The following CRTAC1 variants were observed in gnomAD, a reference collection of about 807,000 sequenced individuals.
The protein encoded by CRTAC1 is cartilage acidic protein 1, also known as acidic secreted protein in cartilage.
In CRTAC1, 37 loss-of-function variants were observed where a neutral mutation model predicts 67.8. The observed-to-expected ratio is 0.55, with a 90% confidence interval of 0.42 to 0.72. The LOEUF (loss-of-function observed/expected upper bound fraction) is 0.72. CRTAC1 is among the 30% of genes least tolerant of loss of function. The pLI is 0.00. For missense variants in CRTAC1, 780 were observed against 931.6 expected (o/e 0.84, Z 2.12); for synonymous variants, 348 against 371.0 (o/e 0.94, Z 0.71).
chr10:97,965,140 T>C (rs1384726680), intron 2 of CRTAC1, among the ~76,000 whole-genome samples: 1 of 152,216 alleles, frequency 6.6e-6, no homozygotes, highest in Non-Finnish European at 1.5e-5. Flanking sequence ...AAAAGAGACC[T>C]GTAGTCAGGA....
intron 1 of CRTAC1, among the ~76,000 whole-genome samples, chr10:98,019,184 AACAG>A (rs1206783714): frequency 6.6e-6 from 1 of 152,074 alleles, no homozygotes; most frequent in African/African-American, 2.4e-5. Context: ...AGGAAAGCAA[AACAG>A]ACAGAGAGCC....
At chr10:97,972,553 A>T (rs1335907547) in intron 2 of CRTAC1, among the ~76,000 whole-genome samples, 1 of 152,248 alleles carries the variant, frequency 6.6e-6, no homozygotes, top group East Asian at 1.9e-4. Flanking sequence ...ACATAAAGTC[A>T]TCAGAATCTA....
At chr10:98,013,933 G>T (rs1842952600) in intron 1 of CRTAC1, among the ~76,000 whole-genome samples, 1 of 152,212 alleles carries the variant, frequency 6.6e-6, no homozygotes, top group African/African-American at 2.4e-5. Context: ...TGAGACCAGG[G>T]AGAGAGTGGG....
intron 2 of CRTAC1, among the ~76,000 whole-genome samples, chr10:97,988,793 G>A (rs1240044068): frequency 1.3e-5 from 2 of 152,208 alleles, no homozygotes; most frequent in Non-Finnish European, 2.9e-5. Flanking sequence ...GTCAGACATA[G>A]GACCAAGCAT....
At chr10:97,925,466 C>T (rs749344507) in intron 3 of CRTAC1, among the ~76,000 whole-genome samples, 14 of 151,020 alleles carry the variant, frequency 9.3e-5, no homozygotes, top group South Asian at 2.1e-4. Flanking sequence ...TGGACAAGAA[C>T]GAGTGAGTGT....
intron 8 of CRTAC1, among the ~76,000 whole-genome samples, chr10:97,898,749 G>C (rs1477498255): frequency 6.6e-6 from 1 of 152,172 alleles, no homozygotes; most frequent in East Asian, 1.9e-4. Context: ...ATCTCCGTGG[G>C]AGACCAGGAG....
chr10:97,982,946 G>A (rs1328533438), intron 2 of CRTAC1, among the ~76,000 whole-genome samples: 1 of 152,156 alleles, frequency 6.6e-6, no homozygotes, highest in African/African-American at 2.4e-5. Flanking sequence ...ACGAGCAAAA[G>A]CCAACAGCAT....
intron 2 of CRTAC1, among the ~76,000 whole-genome samples, chr10:98,002,529 C>CA (rs1842709778): frequency 6.6e-6 from 1 of 152,038 alleles, no homozygotes; most frequent in Non-Finnish European, 1.5e-5. Flanking sequence ...CTCGACCCCC[C>CA]AACCTCCAGG....
chr10:97,985,206 T>C (rs2051960437), intron 2 of CRTAC1, among the ~76,000 whole-genome samples: 1 of 152,208 alleles, frequency 6.6e-6, no homozygotes, highest in Non-Finnish European at 1.5e-5. Context: ...CACCAAAAAA[T>C]GACAAATTTG....
chr10:97,898,767 A>G (rs1018409088), intron 8 of CRTAC1, among the ~76,000 whole-genome samples: 1 of 152,150 alleles, frequency 6.6e-6, no homozygotes, highest in African/African-American at 2.4e-5. Flanking sequence ...GAGTGGTGTC[A>G]TGGTGGAGAG....
intron 2 of CRTAC1, among the ~76,000 whole-genome samples, chr10:97,947,149 C>A (rs1003215564): frequency 3.9e-5 from 6 of 152,212 alleles, no homozygotes; most frequent in Non-Finnish European, 8.8e-5. Context: ...ATGCTTCACT[C>A]TTCTTTAAGA....
chr10:97,890,090 T>TACAC (rs56001448), intron 11 of CRTAC1, among the ~76,000 whole-genome samples: 2,277 of 150,442 alleles, frequency 0.015, 15 homozygotes, highest in Middle Eastern at 0.065. Flanking sequence ...CCAGGATGTG[T>TACAC]ACACACACAC....
chr10:97,991,099 CAAAAAAAAAAA>C (rs757267901), intron 2 of CRTAC1, among the ~76,000 whole-genome samples: 5 of 17,980 alleles, frequency 2.8e-4, no homozygotes, highest in Non-Finnish European at 6.0e-4. Flanking sequence ...ACCATCTCTA[CAAAAAAAAAAA>C]AAAAAAAAAA....
intron 5 of CRTAC1, among the ~76,000 whole-genome samples, chr10:97,908,649 G>A (rs954826695): frequency 1.3e-5 from 2 of 152,164 alleles, no homozygotes; most frequent in East Asian, 1.9e-4. Context: ...TTTGTTTGAC[G>A]TTAAACAATT....
chr10:98,030,573 C>T lies in CRTAC1; in HGVS notation c.-101G>A. On this transcript the variant is annotated 5_prime_UTR_variant, in exon 1 of 15. Transcript: ENST00000370597. This position sits in a 1 kb window ranked among gnomAD's most constrained non-coding sequence, Gnocchi z 4.2. ...GCCTGCTTGCTCCCAGCCCCGGTCCCGGGCTGGCCTCGAGCCTCCCGCCCC... is the reference window on the plus strand; with the variant it reads ...GCCTGCTTGCTCCCAGCCCCGGTCCTGGGCTGGCCTCGAGCCTCCCGCCCC... 14 of 833,234 alleles carry T rather than the reference C, an allele frequency of 1.7e-5. No individual in the cohort carries two copies. The highest frequency in any genetic ancestry group is 4.2e-4 in the Middle Eastern group (1 of 2,402). The allele number at this position is 833,234 out of a possible 1,614,324, so 51.6% of individuals were successfully genotyped here.
chr10:98,004,697 C>T (rs1034357860), intron 2 of CRTAC1, among the ~76,000 whole-genome samples: 1 of 151,494 alleles, frequency 6.6e-6, no homozygotes, highest in Non-Finnish European at 1.5e-5. Flanking sequence ...ACAGTACATC[C>T]ATACTAAGCA....
In CRTAC1 at chr10:97,941,214, G is replaced by T. The variant is rs368228323; in HGVS notation, c.225-4848C>A. Among the ~76,000 whole-genome samples, 43 of 151,866 alleles carry T rather than the reference G, an allele frequency of 2.8e-4. 1 individual carries two copies. The South Asian group carries it at 9.0e-3, about 32-fold the overall frequency. ...GCTCTCTCTCTTCCTTTTCCCCACC[G>T]CTGTCCTCTGAAAGCACTCTCTCTT... On this transcript the variant is annotated intron_variant, in intron 2 of 14. Transcript: ENST00000370597.
chr10:97,953,625 T>C (rs991754296), intron 2 of CRTAC1, among the ~76,000 whole-genome samples: 2 of 152,198 alleles, frequency 1.3e-5, no homozygotes, highest in African/African-American at 4.8e-5. Flanking sequence ...AGCGCATTGA[T>C]GGCTTAATCC....
chr10:98,022,331 G>T (rs1374013315), intron 1 of CRTAC1, among the ~76,000 whole-genome samples: 1 of 151,366 alleles, frequency 6.6e-6, no homozygotes, highest in East Asian at 1.9e-4. Flanking sequence ...CTCTAGCCTG[G>T]GCAACAAGAG....
Sources: gnomAD v4.1 joint callset for allele counts (sites outside exome capture counted in the v4.1 genomes callset) on GRCh38, gnomAD v4.1.1 for gene constraint, Gnocchi (gnomAD v3.1) non-coding constraint, MANE v1.5 for transcripts, NCBI Gene and HGNC (gene_info 2026-07-23, HGNC 2026-07-21) for gene names.